Variants in BCAR1 observed in about 807,000 individuals in gnomAD.
The protein encoded by BCAR1 is breast cancer anti-estrogen resistance protein 1.
BCAR1 carries 30 observed loss-of-function variants against 67.6 expected under a neutral mutation model. That is an observed-to-expected ratio of 0.44 (90% confidence interval 0.33 to 0.60). BCAR1 has a LOEUF of 0.60. Among genes scored for constraint, BCAR1 ranks in the 20% least tolerant of loss-of-function variants. The pLI is 0.02. For missense variants in BCAR1, 1,313 were observed against 1,222.3 expected (o/e 1.07, Z -1.11); for synonymous variants, 626 against 556.7 (o/e 1.12, Z -1.75).
At chr16:75,230,555 C>G (rs1366117415) in intron 6 of BCAR1, among the ~76,000 whole-genome samples, 1 of 152,150 alleles carries the variant, frequency 6.6e-6, no homozygotes, top group Non-Finnish European at 1.5e-5. Flanking sequence ...ATCCAATGCC[C>G]CTAAATAGAA....
chr16:75,233,713 G>T, intron 6 of BCAR1, 133 bp downstream of exon 6: 1 of 861,636 alleles, frequency 1.2e-6, no homozygotes, highest in Non-Finnish European at 1.7e-6. Flanking sequence ...GGGGGTGGCA[G>T]GCCGGGCCCA....
chr16:75,245,273 C>T (rs1243129205), intron 1 of BCAR1, among the ~76,000 whole-genome samples: 4 of 152,260 alleles, frequency 2.6e-5, no homozygotes, highest in South Asian at 2.1e-4. Flanking sequence ...GCTGCCCCTC[C>T]GGGTCCCCCA....
rs1432371973 is a variant in BCAR1, at chr16:75,235,328, C to T, written c.1571G>A (p.Ser524Asn). ...TGTGTGGGCAGCATTGCCCACCGCG[C>T]TGCGGGCAAACTCCAACAGCTCGTG... is the stretch of plus-strand genomic sequence containing the variant. Reference protein sequence around the residue: ...AVHELLEFARSAVGNAAHTSD... With the variant: ...AVHELLEFARNAVGNAAHTSD... Residue 524 changes from serine to asparagine, a missense_variant, in exon 5 of 7, where the codon AGC (serine) becomes AAC (asparagine). Around this residue, in one of 2 missense-constraint regions of BCAR1, gnomAD observed 1,272 missense variants for 1,137.5 expected, o/e 1.12. Transcript: ENST00000162330. 1 of 1,602,196 alleles carries T rather than the reference C, an allele frequency of 6.2e-7. No homozygotes were observed. Among genetic ancestry groups the T allele is most frequent in the East Asian group, 2.2e-5 (1 of 44,566 alleles).
At chr16:75,230,400 C>A (rs1025159837) in intron 6 of BCAR1, among the ~76,000 whole-genome samples, 1 of 152,088 alleles carries the variant, frequency 6.6e-6, no homozygotes, top group Non-Finnish European at 1.5e-5. Context: ...GGGGACCCCT[C>A]GACCCTATCT....
intron 2 of BCAR1, 186 bp from the exon 3 acceptor site, chr16:75,237,530 T>C (rs1728750296): frequency 7.5e-6 from 5 of 670,472 alleles, no homozygotes; most frequent in Non-Finnish European, 1.1e-5. Flanking sequence ...CAGAACGCAG[T>C]GCCAGGTACG....
chr16:75,248,206 C>A, intron 1 of BCAR1: 1 of 1,554,308 alleles, frequency 6.4e-7, no homozygotes. Flanking sequence ...CGCCTGGGTT[C>A]GTGGAAACCA....
intron 1 of BCAR1, among the ~76,000 whole-genome samples, chr16:75,244,643 G>C (rs1022714277): frequency 6.6e-6 from 1 of 152,236 alleles, no homozygotes; most frequent in Non-Finnish European, 1.5e-5. Flanking sequence ...CTCCAGAGCA[G>C]CTAGGAGCCT....
At chr16:75,265,796 C>T in intron 1 of BCAR1, 1 of 1,195,744 alleles carries the variant, frequency 8.4e-7, no homozygotes, top group South Asian at 4.2e-5. Flanking sequence ...GGACAGCCGG[C>T]CCGGGGTCCC....
upstream of BCAR1, among the ~76,000 whole-genome samples, chr16:75,254,380 C>G (rs535728318): frequency 1.3e-5 from 2 of 152,178 alleles, no homozygotes; most frequent in Non-Finnish European, 2.9e-5. Flanking sequence ...GGGCCAGCAC[C>G]ACCCCCACCC....
At chr16:75,267,947 G>A (rs375301274) in exon 1 of BCAR1, 10 of 1,603,848 alleles carry the variant, frequency 6.2e-6, no homozygotes, top group South Asian at 2.2e-5. Context: ...GTGGGCCTGG[G>A]GGCAGCCAGA....
Position 75,235,158 on chromosome 16 carries a change from C to G in BCAR1, c.1741G>C (p.Ala581Pro). The change falls in exon 5 of 7, where the codon GCC becomes CCC. Residue 581 changes from alanine to proline, a missense_variant. Physicochemically the swap from Ala to Pro is conservative, Grantham distance 27. Coordinates refer to ENST00000162330, the MANE Select transcript of BCAR1 (RefSeq NM_014567.5). ...ATLEDLDRLV[A>P]CSRAVPEDAK... The stretch of plus-strand genomic sequence containing the variant: ...TCCTCGGGCACAGCCCGCGAGCAGG[C>G]CACCAGCCGGTCCAGGTCCTCAAGG... 1.2e-6 allele frequency: 2 copies of G among 1,608,664 alleles called. No individual in the cohort carries two copies. The highest frequency in any genetic ancestry group is 1.7e-5 in the Admixed American group (1 of 60,006).
intron 2 of BCAR1, among the ~76,000 whole-genome samples, chr16:75,240,329 G>A (rs1320596318): frequency 6.6e-6 from 1 of 152,176 alleles, no homozygotes; most frequent in African/African-American, 2.4e-5. Context: ...GCACCTGGAG[G>A]TTCAGACACA....
At chr16:75,260,517 C>T (rs1278315256) in intron 1 of BCAR1, among the ~76,000 whole-genome samples, 2 of 151,658 alleles carry the variant, frequency 1.3e-5, no homozygotes, top group African/African-American at 4.8e-5. Context: ...GCCTGTAATC[C>T]CAGCTACTTG....
Position 75,237,282 on chromosome 16 carries a change from G to A in BCAR1, c.696C>T (p.Asp232=), listed in dbSNP as rs201960451. The change falls in exon 3 of 7, where the codon GAC becomes GAT. Residue 232 remains aspartate, a synonymous_variant. Coordinates refer to ENST00000162330, the MANE Select transcript of BCAR1 (RefSeq NM_014567.5). ...GCAGGTGTCGCGGGATGTCGTACTC[G>A]TCCTGCTCCGGCTGGGCGGCCTCGT... The part of the protein sequence containing the change: ...YVYEAAQPEQ[D]EYDIPRHLLA... 3.2e-5 allele frequency: 49 copies of A among 1,520,820 alleles called. No individual in the cohort carries two copies. Among genetic ancestry groups the A allele is most frequent in the African/African-American group, 5.6e-5 (4 of 71,446 alleles). 94.2% of individuals were successfully genotyped at this position (1,520,820 alleles called of 1,614,324 possible). A position where few individuals can be genotyped will look rare whatever the true frequency, so the allele number is the denominator to read the frequency against.
chr16:75,239,308 C>G (rs2077253045), intron 2 of BCAR1, among the ~76,000 whole-genome samples: 1 of 152,142 alleles, frequency 6.6e-6, no homozygotes, highest in Non-Finnish European at 1.5e-5. Context: ...ACATAAGACC[C>G]ACACGGTCTC....
chr16:75,259,785 G>T (rs2077858593), intron 1 of BCAR1, among the ~76,000 whole-genome samples: 1 of 147,556 alleles, frequency 6.8e-6, no homozygotes, highest in Non-Finnish European at 1.5e-5. Context: ...CTAGGAGGTG[G>T]AGGTTGCAGT....
chr16:75,239,965 C>A (rs1203549442), intron 2 of BCAR1, among the ~76,000 whole-genome samples: 1 of 152,192 alleles, frequency 6.6e-6, no homozygotes, highest in Admixed American at 6.5e-5. Flanking sequence ...CCCACAGACG[C>A]CTTCCCCCGG....
chr16:75,265,179 G>C (rs1437986537), intron 1 of BCAR1: 2 of 152,470 alleles, frequency 1.3e-5, no homozygotes, highest in Non-Finnish European at 2.9e-5. Context: ...CAGGGCCCCG[G>C]GGGTTCCGCA....
chr16:75,243,327 T>C, intron 1 of BCAR1: 1 of 634,158 alleles, frequency 1.6e-6, no homozygotes, highest in Non-Finnish European at 2.8e-6. Flanking sequence ...CTCAAAATCC[T>C]CTTGACCACT....
Sources: gnomAD v4.1 joint callset for allele counts (sites outside exome capture counted in the v4.1 genomes callset) on GRCh38, gnomAD v4.1.1 for gene constraint, gnomAD v4.1.1 regional missense constraint, MANE v1.5 for transcripts, NCBI Gene and HGNC (gene_info 2026-07-23, HGNC 2026-07-21) for gene names.